The following MTO1 variants were observed in gnomAD, a reference collection of about 807,000 sequenced individuals.
The protein encoded by MTO1 is 5-taurinomethyluridine-[tRNA] synthase subunit MTO1, mitochondrial.
Under a neutral mutation model 71.6 loss-of-function variants are expected in MTO1, and 46 were observed. The ratio of observed to expected loss-of-function variants is 0.64; its 90% CI spans 0.51 to 0.82. MTO1 has a LOEUF of 0.82. MTO1 is among the 40% of genes least tolerant of loss of function. The probability of loss-of-function intolerance (pLI) is 0.00; values close to 1 mark genes in which losing one functional copy is unlikely to be tolerated. For missense variants in MTO1, 773 were observed against 867.5 expected (o/e 0.89, Z 1.37); for synonymous variants, 297 against 312.1 (o/e 0.95, Z 0.51).
chr6:73,477,869 A>G (rs1053805020), intron 4 of MTO1, among the ~76,000 whole-genome samples: 3 of 152,092 alleles, frequency 2.0e-5, no homozygotes, highest in African/African-American at 2.4e-5. Flanking sequence ...ATTTCTCTTT[A>G]AAGTCTTTTA....
intron 11 of MTO1, 112 bp downstream of exon 11, chr6:73,498,008 A>T: frequency 3.1e-6 from 3 of 961,038 alleles, no homozygotes. Flanking sequence ...TTTAGTAATA[A>T]GAAACTTCCA....
Position 73,461,794 on chromosome 6 carries a change from CG to C in MTO1, c.-60del, listed in dbSNP as rs952990547. On this transcript the variant is annotated 5_prime_UTR_variant, in exon 1 of 12. It removes the in-frame stop codon of an upstream open reading frame in the 5' UTR. Transcript: ENST00000498286. ...GCGCCCTGCAGATTGTCTCTTGTTG[CG>C]TAAGTTTTTTTGACCGTCACTCGTG... 4 of 1,546,572 alleles carry C rather than the reference CG, an allele frequency of 2.6e-6. No homozygotes were observed. In the African/African-American group the frequency reaches 4.1e-5, roughly 16 times the overall value.
Position 73,502,344 on chromosome 6 carries a change from T to A in MTO1, c.*1609T>A, listed in dbSNP as rs1772183790. 1 of 152,194 alleles carries A rather than the reference T, an allele frequency of 6.6e-6. No individual in the cohort carries two copies. Among genetic ancestry groups the A allele is most frequent in the South Asian group, 2.1e-4 (1 of 4,828 alleles). The allele number at this position is 152,194 out of a possible 1,614,324, so 9.4% of individuals were successfully genotyped here. ...CTGTAGTCCCAGCTACTCAGGAGGC[T>A]GAGGCAGGAGAATCGCTTGAACCCA... On this transcript the variant is annotated 3_prime_UTR_variant, in exon 12 of 12. Coordinates refer to ENST00000498286, the MANE Select transcript of MTO1 (RefSeq NM_012123.4).
intron 9 of MTO1, chr6:73,486,701 G>GTGC: frequency 5.9e-6 from 2 of 338,422 alleles, no homozygotes; most frequent in South Asian, 2.2e-5. Flanking sequence ...TCAAGCCATT[G>GTGC]CACCCAAACC....
chr6:73,497,146 G>A (rs181049008), intron 10 of MTO1, among the ~76,000 whole-genome samples: 239 of 114,662 alleles, frequency 2.1e-3, no homozygotes, highest in South Asian at 0.013. Flanking sequence ...CACTGACAGC[G>A]GAAGCAAATT....
chr6:73,466,157 A>C, intron 1 of MTO1, 52 bp from the exon 2 acceptor site: 1 of 1,428,840 alleles, frequency 7.0e-7, no homozygotes, highest in South Asian at 1.2e-5. Flanking sequence ...TTAAGTAGTC[A>C]CTATGTGCAA....
At chr6:73,484,876 G>T (rs898877185) in intron 9 of MTO1, among the ~76,000 whole-genome samples, 6 of 151,854 alleles carry the variant, frequency 4.0e-5, no homozygotes, top group Non-Finnish European at 7.4e-5. Flanking sequence ...GCAAAACCCT[G>T]TCTCTACTAA....
chr6:73,465,541 TG>T (rs987541252), intron 1 of MTO1, among the ~76,000 whole-genome samples: 1 of 152,094 alleles, frequency 6.6e-6, no homozygotes, highest in Non-Finnish European at 1.5e-5. Context: ...GTGCTTGATT[TG>T]GTAGATTCCT....
At chr6:73,480,180 C>A in intron 6 of MTO1, 54 bp downstream of exon 6, 1 of 1,542,600 alleles carries the variant, frequency 6.5e-7, no homozygotes, top group South Asian at 1.1e-5. Flanking sequence ...TTTTAATGGT[C>A]AGTGAGGAGG....
chr6:73,463,577 CACTT>C (rs1770888945), intron 1 of MTO1, among the ~76,000 whole-genome samples: 1 of 152,084 alleles, frequency 6.6e-6, no homozygotes, highest in African/African-American at 2.4e-5. Flanking sequence ...GTGAATAAAT[CACTT>C]ATTTATTCCT....
At chr6:73,473,275 C>T (rs544525584) in intron 3 of MTO1, 90 bp from the exon 4 acceptor site, 4 of 1,226,448 alleles carry the variant, frequency 3.3e-6, no homozygotes, top group South Asian at 1.7e-5. Context: ...GAGACTTCAT[C>T]TCAGATAGAT....
At chr6:73,478,892 C>CTT (rs1352190387) in intron 4 of MTO1, among the ~76,000 whole-genome samples, 3 of 134,114 alleles carry the variant, frequency 2.2e-5, no homozygotes, top group African/African-American at 2.7e-5. Flanking sequence ...TTTTTTTTTT[C>CTT]TTTTTTTTTT....
chr6:73,473,232 T>C (rs1771199609), intron 3 of MTO1, 133 bp from the exon 4 acceptor site: 2 of 961,656 alleles, frequency 2.1e-6, no homozygotes, highest in Non-Finnish European at 3.0e-6. Context: ...TGAGCGGACA[T>C]TGCACCACTG....
In MTO1 at chr6:73,507,787, C is replaced by T. The variant is rs1772327962; in HGVS notation, c.*7052C>T. On this transcript the variant is annotated 3_prime_UTR_variant, in exon 12 of 12. Transcript: ENST00000498286. ...GGTCAGGAAATAGAGACCATCCTGGCTAACATGGTGAAACCCCGTGTCTAC... is the reference window on the plus strand; with the variant it reads ...GGTCAGGAAATAGAGACCATCCTGGTTAACATGGTGAAACCCCGTGTCTAC... The T allele has an allele frequency of 6.6e-6, 1 of 152,234 alleles. No homozygotes were observed. The highest frequency in any genetic ancestry group is 1.5e-5 in the Non-Finnish European group (1 of 68,092). The allele number at this position is 152,234 out of a possible 1,614,324, so 9.4% of individuals were successfully genotyped here.
In MTO1 at chr6:73,482,061, G is replaced by A. The variant is rs143747297; in HGVS notation, c.1282G>A (p.Ala428Thr). 96 of 1,613,946 alleles carry A rather than the reference G, an allele frequency of 5.9e-5. No individual in the cohort carries two copies. The highest frequency in any genetic ancestry group is 7.8e-5 in the Non-Finnish European group (92 of 1,180,034). The change falls in exon 8 of 12, where the codon GCC becomes ACC. Residue 428 changes from alanine (A) to threonine (T), a missense_variant. Transcript: ENST00000498286. ...GTAGGGTGTGATAGCCGGAATCAAC[G>A]CCAGTCTTCGGGTCAGTCGCAAGCC... Reference protein sequence around the residue: ...AAQGVIAGINASLRVSRKPPF... With the variant: ...AAQGVIAGINTSLRVSRKPPF...
At chr6:73,468,808 A>G (rs1232298511) in intron 3 of MTO1, among the ~76,000 whole-genome samples, 5 of 151,912 alleles carry the variant, frequency 3.3e-5, no homozygotes, top group South Asian at 4.2e-4. Flanking sequence ...GGGTTTTACC[A>G]TGTTGGCCAG....
At chr6:73,470,332 G>A (rs193135678) in intron 3 of MTO1, among the ~76,000 whole-genome samples, 37 of 151,804 alleles carry the variant, frequency 2.4e-4, no homozygotes, top group African/African-American at 7.7e-4. Context: ...TCAGCCTCTC[G>A]AGTAGCTGGG....
At chr6:73,494,479 C>CTTTTTTTTTT (rs757447983) in intron 10 of MTO1, among the ~76,000 whole-genome samples, 1 of 136,194 alleles carries the variant, frequency 7.3e-6, no homozygotes. Context: ...CTTTTTTTTT[C>CTTTTTTTTTT]TTTTTTTTTT....
Position 73,504,134 on chromosome 6 carries a change from T to G in MTO1, c.*3399T>G, listed in dbSNP as rs781428153. Reference sequence around the variant, plus strand: ...ATTATTACACTTACTTCGTTCTACCTTAATGTTTTTATTTAGAGACAAGAT... The same window carrying G: ...ATTATTACACTTACTTCGTTCTACCGTAATGTTTTTATTTAGAGACAAGAT... On this transcript the variant is annotated 3_prime_UTR_variant, in exon 12 of 12. Transcript: ENST00000498286. The G allele has an allele frequency of 3.9e-5, 6 of 152,222 alleles. No homozygotes were observed. The highest frequency in any genetic ancestry group is 1.3e-4 in the Admixed American group (2 of 15,260). The allele number at this position is 152,222 out of a possible 1,614,324, so 9.4% of individuals were successfully genotyped here. A position where few individuals can be genotyped will look rare whatever the true frequency, so the allele number is the denominator to read the frequency against.
Sources: allele counts gnomAD v4.1 joint callset (sites outside exome capture counted in the v4.1 genomes callset), GRCh38; gene constraint gnomAD v4.1.1; transcripts MANE v1.5; gene names NCBI Gene and HGNC (gene_info 2026-07-23, HGNC 2026-07-21).